PVT1: variants seen among roughly 807,000 people sequenced by gnomAD.
PVT1 encodes the protein Pvt1 oncogene.
At chr8:127,824,358 A>T (rs1563614889) in intron 2 of PVT1, among the ~76,000 whole-genome samples, 1 of 152,102 alleles carries the variant, frequency 6.6e-6, no homozygotes, top group Non-Finnish European at 1.5e-5. Context: ...CTTCAGCCCC[A>T]TGTGTCCCAG....
intron 3 of PVT1, among the ~76,000 whole-genome samples, chr8:127,896,790 C>T (rs1409713865): frequency 6.7e-6 from 1 of 149,768 alleles, no homozygotes; most frequent in African/African-American, 2.4e-5. Context: ...CCCCCGCCCC[C>T]GACCCACAGG....
At chr8:127,859,412 G>A (rs566922147) in intron 2 of PVT1, among the ~76,000 whole-genome samples, 41 of 152,190 alleles carry the variant, frequency 2.7e-4, no homozygotes, top group African/African-American at 8.4e-4. Flanking sequence ...ATATTACGCC[G>A]TGGCTGACTC....
chr8:128,079,454 A>G (rs1814145167), intron 5 of PVT1, among the ~76,000 whole-genome samples: 1 of 152,208 alleles, frequency 6.6e-6, no homozygotes, highest in Non-Finnish European at 1.5e-5. Context: ...ACTAATATTG[A>G]TACATTAAGA....
At chr8:127,938,559 T>C (rs1816307070) in intron 3 of PVT1, among the ~76,000 whole-genome samples, 1 of 152,234 alleles carries the variant, frequency 6.6e-6, no homozygotes, top group African/African-American at 2.4e-5. Context: ...CAAAACAGAT[T>C]ACACAAGAAC....
intron 2 of PVT1, among the ~76,000 whole-genome samples, chr8:127,830,034 G>C (rs962086989): frequency 1.1e-4 from 16 of 152,108 alleles, no homozygotes; most frequent in Non-Finnish European, 2.1e-4. Context: ...AATAATGCCA[G>C]TCATTAGATC....
chr8:127,804,823 T>C (rs1814507897), intron 2 of PVT1, among the ~76,000 whole-genome samples: 1 of 151,714 alleles, frequency 6.6e-6, no homozygotes, highest in Admixed American at 6.6e-5. Context: ...CCCAAAGTGC[T>C]GGGATTACAG....
chr8:127,866,113 C>G (rs914450091), intron 2 of PVT1, among the ~76,000 whole-genome samples: 2 of 152,166 alleles, frequency 1.3e-5, no homozygotes, highest in Admixed American at 1.3e-4. Flanking sequence ...CTCTCCTGCC[C>G]TGCTGTTTAA....
chr8:127,801,398 C>T (rs774328422), intron 2 of PVT1, among the ~76,000 whole-genome samples: 8 of 152,082 alleles, frequency 5.3e-5, no homozygotes, highest in African/African-American at 1.2e-4. Context: ...CGTGCCACCA[C>T]GCCTGGCTAA....
chr8:128,082,216 CT>C (rs1397922464), intron 5 of PVT1, among the ~76,000 whole-genome samples: 1 of 152,200 alleles, frequency 6.6e-6, no homozygotes, highest in Non-Finnish European at 1.5e-5. Flanking sequence ...AACATCATTA[CT>C]AGCCACAATT....
At chr8:127,809,037 A>C (rs1814560121) in intron 2 of PVT1, among the ~76,000 whole-genome samples, 1 of 145,690 alleles carries the variant, frequency 6.9e-6, no homozygotes, top group Admixed American at 6.9e-5. Context: ...CTCAAAAAAA[A>C]AAAAAAAAAA....
chr8:127,989,042 C>G (rs748671228), intron 3 of PVT1: 3 of 152,206 alleles, frequency 2.0e-5, no homozygotes, highest in Non-Finnish European at 4.4e-5. Context: ...TTCTTGTGCT[C>G]CTCATTCAGT....
At chr8:128,064,296 G>T (rs1443206089) in intron 4 of PVT1, among the ~76,000 whole-genome samples, 3 of 152,218 alleles carry the variant, frequency 2.0e-5, no homozygotes, top group Non-Finnish European at 1.5e-5. Flanking sequence ...AGCGATTCAT[G>T]GTTTTACAAA....
At chr8:128,080,496 T>C (rs1001876675) in intron 5 of PVT1, among the ~76,000 whole-genome samples, 40 of 152,366 alleles carry the variant, frequency 2.6e-4, no homozygotes, top group African/African-American at 8.9e-4. Flanking sequence ...TTATTTGCCA[T>C]GTGTATACCT....
At chr8:127,999,684 C>T (rs1817152774) in intron 4 of PVT1, among the ~76,000 whole-genome samples, 1 of 152,156 alleles carries the variant, frequency 6.6e-6, no homozygotes, top group African/African-American at 2.4e-5. Flanking sequence ...CTGGTCTCGA[C>T]CTCCTGACCT....
chr8:127,865,832 G>C (rs1815280738), intron 2 of PVT1, among the ~76,000 whole-genome samples: 2 of 152,220 alleles, frequency 1.3e-5, no homozygotes. Context: ...TCCAGCCTGT[G>C]GGGAGTGGGA....
intron 4 of PVT1, among the ~76,000 whole-genome samples, chr8:127,991,797 A>C (rs936883665): frequency 1.3e-5 from 2 of 152,170 alleles, no homozygotes; most frequent in Non-Finnish European, 2.9e-5. Flanking sequence ...AGGCATTTGC[A>C]TCTATGTGTG....
chr8:127,916,692 T>C (rs1427441289), intron 3 of PVT1, among the ~76,000 whole-genome samples: 1 of 152,200 alleles, frequency 6.6e-6, no homozygotes, highest in Non-Finnish European at 1.5e-5. Context: ...AGGCGTGTGA[T>C]CCAGGTGAGA....
At chr8:127,880,756 A>G (rs978078345) in intron 2 of PVT1, among the ~76,000 whole-genome samples, 2 of 151,918 alleles carry the variant, frequency 1.3e-5, no homozygotes, top group South Asian at 4.1e-4. Context: ...GTGCACCACC[A>G]TGACTGGCTA....
At chr8:128,080,119 TA>T (rs1336665541) in intron 5 of PVT1, among the ~76,000 whole-genome samples, 6 of 152,228 alleles carry the variant, frequency 3.9e-5, no homozygotes, top group African/African-American at 1.4e-4. Flanking sequence ...TACCACAGTT[TA>T]TTTACCCTGT....
Sources: allele counts gnomAD v4.1 joint callset (sites outside exome capture counted in the v4.1 genomes callset), GRCh38; gene constraint gnomAD v4.1.1; transcripts MANE v1.5; gene names NCBI Gene and HGNC (gene_info 2026-07-23, HGNC 2026-07-21).